The following C2CD3 variants were observed in gnomAD, a reference collection of about 807,000 sequenced individuals.
C2CD3 encodes C2 domain-containing protein 3.
A neutral mutation model predicts 234.0 loss-of-function variants in C2CD3; 148 were observed. The observed-to-expected ratio is 0.63, with a 90% CI of 0.55 to 0.72. The LOEUF is 0.72. Among genes scored for constraint, C2CD3 ranks in the 30% least tolerant of loss-of-function variants. C2CD3 has a pLI of 0.00. For synonymous variants in C2CD3, 1,000 were observed against 1,035.4 expected, an observed-to-expected ratio of 0.97 and a Z score of 0.66; for missense variants, 2,577 against 2,811.5, an observed-to-expected ratio of 0.92 and a Z score of 1.89.
In C2CD3 at chr11:74,165,608, T is replaced by C. The variant is rs77215579; in HGVS notation, c.325+2736A>G. Among the ~76,000 whole-genome samples, 55 of 152,300 alleles carry C rather than the reference T, an allele frequency of 3.6e-4. 1 individual carries two copies. The East Asian group carries it at 0.01, about 28-fold the overall frequency. On this transcript the variant is annotated intron_variant, in intron 2 of 32. Coordinates refer to ENST00000334126, the MANE Select transcript of C2CD3 (RefSeq NM_001286577.2). ...TTTCCAAGTTTTTGGTTAGAGCACA[T>C]ACTTTTGTGAACTAATATTTGATGT...
At chr11:74,021,768 A>C (rs1483765541) in intron 32 of C2CD3, among the ~76,000 whole-genome samples, 1 of 152,240 alleles carries the variant, frequency 6.6e-6, no homozygotes, top group East Asian at 1.9e-4. Context: ...GTGATATTAC[A>C]CTGGCTACAG....
chr11:74,125,524 A>T (rs554760462), intron 7 of C2CD3, among the ~76,000 whole-genome samples: 1 of 152,068 alleles, frequency 6.6e-6, no homozygotes, highest in Non-Finnish European at 1.5e-5. Context: ...TGTATGATCT[A>T]TGAACTTCCT....
rs911341302 is a variant in C2CD3, at chr11:74,119,191, T to C, written c.1366-809A>G. Among the ~76,000 whole-genome samples the C allele has an allele frequency of 5.1e-4, 78 of 152,312 alleles. 1 individual carries two copies. Among genetic ancestry groups the C allele is most frequent in the African/African-American group, 1.9e-3 (77 of 41,562 alleles). ...TCCCAAAGTGCTGGAATTACAGGCA[T>C]GAGCCACCGTACCCAGCCAAGACTA... On this transcript the variant is annotated intron_variant, in intron 8 of 32. Coordinates refer to ENST00000334126, the MANE Select transcript of C2CD3 (RefSeq NM_001286577.2).
chr11:74,168,739 AAAG>A, intron 1 of C2CD3, 126 bp from the exon 2 acceptor site: 2 of 830,554 alleles, frequency 2.4e-6, no homozygotes, highest in Middle Eastern at 3.7e-4. Context: ...CACCACTTAG[AAAG>A]AAGGTTTATC....
At chr11:74,097,939 G>A in intron 16 of C2CD3, 70 bp downstream of exon 16, 2 of 1,465,104 alleles carry the variant, frequency 1.4e-6, no homozygotes, top group South Asian at 2.5e-5. Context: ...AAGGATTTGG[G>A]CAATAAATTC....
In C2CD3 at chr11:74,093,759, T is replaced by C. The variant is rs1207974569; in HGVS notation, c.3344+57A>G. 8 of 1,396,890 alleles carry C rather than the reference T, an allele frequency of 5.7e-6. No homozygotes were observed. The African/African-American group carries it at 1.1e-4, about 20-fold the overall frequency. The allele number at this position is 1,396,890 out of a possible 1,614,324, so 86.5% of individuals were successfully genotyped here. A position where few individuals can be genotyped will look rare whatever the true frequency, so the allele number is the denominator to read the frequency against. ...CAACCTAGGCTGGTTAGGAGTAGGA[T>C]GCTTTATGATTGTGCACTTCCTTCC... On this transcript the variant is annotated intron_variant, in intron 18 of 32. Coordinates refer to ENST00000334126, the MANE Select transcript of C2CD3 (RefSeq NM_001286577.2).
chr11:74,153,965 A>C (rs957297596), intron 3 of C2CD3, among the ~76,000 whole-genome samples: 8 of 152,116 alleles, frequency 5.3e-5, no homozygotes, highest in Non-Finnish European at 1.0e-4. Flanking sequence ...ATGGGGTGGG[A>C]AAGGGCAATC....
chr11:74,124,062 T>A (rs938113922), intron 7 of C2CD3, among the ~76,000 whole-genome samples: 1 of 152,202 alleles, frequency 6.6e-6, no homozygotes, highest in African/African-American at 2.4e-5. Context: ...GGTCCTTGTA[T>A]AAATTCCATA....
chr11:74,085,537 T>C, intron 21 of C2CD3, 81 bp downstream of exon 21: 1 of 1,391,404 alleles, frequency 7.2e-7, no homozygotes, highest in Non-Finnish European at 1.0e-6. Flanking sequence ...AATACTGCAG[T>C]ATGTATCTCC....
Position 74,133,459 on chromosome 11 carries a change from G to A in C2CD3, c.1054C>T (p.Pro352Ser), listed in dbSNP as rs942775821. ...GCTCTAAGAGAATCTTCATTAATAG[G>A]AGGATGAACTTGGTCCAACAACATG... ...TSMLLDQVHP[P>S]INEDSLRAST... Residue 352 changes from proline to serine, a missense_variant, in exon 6 of 33, where the codon CCT becomes TCT. By Grantham distance (74) the Pro-to-Ser change is moderately conservative. Transcript: ENST00000334126. 1.9e-6 allele frequency: 3 copies of A among 1,613,590 alleles called. No individual in the cohort carries two copies. Among genetic ancestry groups the A allele is most frequent in the South Asian group, 1.1e-5 (1 of 91,064 alleles).
rs1008164171 is a variant in C2CD3 at position 74,013,428 on chromosome 11, C to T, written c.7019G>A (p.Arg2340Lys). 2 of 1,381,330 alleles carry T rather than the reference C, an allele frequency of 1.4e-6. No homozygotes were observed. The highest frequency in any genetic ancestry group is 1.9e-6 in the Non-Finnish European group (2 of 1,054,108). 85.6% of individuals were successfully genotyped at this position (1,381,330 alleles called of 1,614,324 possible). A position where few individuals can be genotyped will look rare whatever the true frequency, so the allele number is the denominator to read the frequency against. Residue 2340 changes from arginine (R) to lysine (K), a missense_variant, in exon 33 of 33, where the codon AGG (arginine) becomes AAG (lysine). Physicochemically the swap from Arg to Lys is conservative, Grantham distance 26. Coordinates refer to ENST00000334126, the MANE Select transcript of C2CD3 (RefSeq NM_001286577.2). Reference sequence around the variant, plus strand: ...CTGAGAAGAAAATATCCGTGCAATCCTGAGAGTTTCTTCCTCAGGCAGGTT... The same window carrying T: ...CTGAGAAGAAAATATCCGTGCAATCTTGAGAGTTTCTTCCTCAGGCAGGTT... ...PLNLPEEETL[R>K]IARIFSSQYS...
chr11:74,114,381 T>C lies in C2CD3; in HGVS notation c.1730+3A>G. 2 of 1,610,422 alleles carry C rather than the reference T, an allele frequency of 1.2e-6. No individual in the cohort carries two copies. Among genetic ancestry groups the C allele is most frequent in the Non-Finnish European group, 8.5e-7 (1 of 1,177,054 alleles). On this transcript the variant is annotated splice_donor_region_variant and intron_variant, in intron 10 of 32. Transcript: ENST00000334126. ...ATTTAGCTTTCTCATGTTAGAGACA[T>C]ACCGCTTTTTTGCTGTAGTCACCTT...
chr11:74,025,172 A>G (rs1415471968), intron 32 of C2CD3, among the ~76,000 whole-genome samples: 2 of 152,098 alleles, frequency 1.3e-5, no homozygotes, highest in Non-Finnish European at 2.9e-5. Flanking sequence ...CCCATTTTTC[A>G]TTAATGTGGC....
intron 28 of C2CD3, among the ~76,000 whole-genome samples, chr11:74,045,124 C>A (rs573408184): frequency 6.6e-6 from 1 of 152,274 alleles, no homozygotes; most frequent in Non-Finnish European, 1.5e-5. Context: ...GGTCCAACTT[C>A]AATCACTTGC....
At chr11:74,156,629 G>A (rs1227488788) in intron 3 of C2CD3, among the ~76,000 whole-genome samples, 8 of 152,086 alleles carry the variant, frequency 5.3e-5, no homozygotes, top group Non-Finnish European at 1.2e-4. Flanking sequence ...GGGAAACATA[G>A]TGAGATCCCT....
At chr11:74,156,451 C>G (rs1044088383) in intron 3 of C2CD3, among the ~76,000 whole-genome samples, 7 of 135,166 alleles carry the variant, frequency 5.2e-5, no homozygotes, top group Non-Finnish European at 1.1e-4. Context: ...CACAGTAAGA[C>G]CCTATCTCAA....
intron 32 of C2CD3, among the ~76,000 whole-genome samples, chr11:74,015,886 G>C (rs1234501768): frequency 6.6e-6 from 1 of 150,390 alleles, no homozygotes; most frequent in Admixed American, 6.6e-5. Flanking sequence ...GGTCAACATA[G>C]GGAAACCCTG....
chr11:74,029,359 ATC>A (rs1952428673), intron 31 of C2CD3, among the ~76,000 whole-genome samples: 1 of 152,262 alleles, frequency 6.6e-6, no homozygotes, highest in Non-Finnish European at 1.5e-5. Flanking sequence ...GGCAGAGATG[ATC>A]TGTCTTTCAT....
intron 9 of C2CD3, among the ~76,000 whole-genome samples, chr11:74,115,066 A>G (rs2135511595): frequency 6.6e-6 from 1 of 152,034 alleles, no homozygotes; most frequent in East Asian, 1.9e-4. Context: ...TTCTGGTCCT[A>G]TAGTACAAGA....
Sources: allele counts gnomAD v4.1 joint callset (sites outside exome capture counted in the v4.1 genomes callset), GRCh38; gene constraint gnomAD v4.1.1; transcripts MANE v1.5; gene names NCBI Gene and HGNC (gene_info 2026-07-23, HGNC 2026-07-21).